Variants in LMNTD1 observed in about 807,000 individuals in gnomAD.
LMNTD1 encodes the protein lamin tail domain-containing protein 1.
LMNTD1 carries 35 observed loss-of-function variants against 50.9 expected under a neutral mutation model. The ratio of observed to expected loss-of-function variants is 0.69; its 90% CI spans 0.53 to 0.91. LMNTD1 has a LOEUF of 0.91. Ranked by LOEUF, LMNTD1 falls within the 40% of genes least tolerant of loss-of-function variation. The pLI is 0.00. For synonymous variants in LMNTD1, 153 were observed against 161.9 expected (o/e 0.94, Z 0.42); for missense variants, 470 against 475.5 (o/e 0.99, Z 0.11).
chr12:25,594,485 A>G (rs939294337), intron 1 of LMNTD1, among the ~76,000 whole-genome samples: 21 of 152,070 alleles, frequency 1.4e-4, no homozygotes, highest in African/African-American at 5.1e-4. Context: ...TGAAGGAAAC[A>G]TAGTCTTTTT....
At chr12:25,645,676 G>C (rs867182524) in intron 1 of LMNTD1, among the ~76,000 whole-genome samples, 1 of 152,196 alleles carries the variant, frequency 6.6e-6, no homozygotes, top group Admixed American at 6.5e-5. Context: ...AAGGAAAAGA[G>C]CTGGGGCCTG....
At chr12:25,539,763 T>TC (rs1291972387) in intron 4 of LMNTD1, among the ~76,000 whole-genome samples, 6 of 120,144 alleles carry the variant, frequency 5.0e-5, no homozygotes. Context: ...AAAAAACCCT[T>TC]TAAAAAATTA....
chr12:25,563,047 C>T lies in LMNTD1; in HGVS notation c.59-16493G>A, dbSNP rs368589276. Reference sequence around the variant, plus strand: ...CAGTTATCCATTTGTCCAATCTTTTCTCAAGGTTTTTATCTTCTTTGTGAT... The same window carrying T: ...CAGTTATCCATTTGTCCAATCTTTTTTCAAGGTTTTTATCTTCTTTGTGAT... On this transcript the variant is annotated intron_variant, in intron 1 of 7. Coordinates refer to the LMNTD1 transcript ENST00000445693. 9.2e-5 allele frequency among the ~76,000 whole-genome samples: 14 copies of T among 152,310 alleles called. No individual in the cohort carries two copies. In the East Asian group the frequency reaches 2.5e-3, roughly 27 times the overall value.
At chr12:25,513,187 T>C (rs570537895) in intron 8 of LMNTD1, among the ~76,000 whole-genome samples, 18 of 152,270 alleles carry the variant, frequency 1.2e-4, no homozygotes, top group African/African-American at 4.3e-4. Context: ...CATCTTCCAC[T>C]AAGATGCATC....
At chr12:25,542,635 T>A (rs984260797) in intron 4 of LMNTD1, among the ~76,000 whole-genome samples, 2 of 151,234 alleles carry the variant, frequency 1.3e-5, no homozygotes, top group African/African-American at 4.9e-5. Flanking sequence ...GACGAGTTAG[T>A]GGGTGCAGCA....
intron 1 of LMNTD1, among the ~76,000 whole-genome samples, chr12:25,614,143 T>C (rs1215071235): frequency 6.6e-6 from 1 of 151,776 alleles, no homozygotes; most frequent in African/African-American, 2.4e-5. Flanking sequence ...CCAGTGGGAG[T>C]AGGGAGACTG....
chr12:25,585,354 T>C (rs1411552055), intron 1 of LMNTD1, among the ~76,000 whole-genome samples: 2 of 152,208 alleles, frequency 1.3e-5, no homozygotes, highest in African/African-American at 2.4e-5. Context: ...AAATTAGCAA[T>C]TACAAAGTGT....
upstream of LMNTD1, among the ~76,000 whole-genome samples, chr12:25,557,853 T>C (rs1944105762): frequency 6.6e-6 from 1 of 152,218 alleles, no homozygotes; most frequent in African/African-American, 2.4e-5. Flanking sequence ...TCTTCTATCA[T>C]ATATGGGCAA....
chr12:25,540,734 G>T (rs1943007115), intron 4 of LMNTD1, among the ~76,000 whole-genome samples: 1 of 139,086 alleles, frequency 7.2e-6, no homozygotes, highest in African/African-American at 2.7e-5. Flanking sequence ...AGGGCAATTA[G>T]GCAGGAGAAG....
At chr12:25,632,673 AAC>A (rs1368415192) in intron 1 of LMNTD1, among the ~76,000 whole-genome samples, 2 of 152,220 alleles carry the variant, frequency 1.3e-5, no homozygotes, top group Non-Finnish European at 2.9e-5. Flanking sequence ...GAATCCTGGA[AAC>A]ACATCAAAAC....
chr12:25,614,663 T>C lies in LMNTD1; in HGVS notation c.58+33831A>G, dbSNP rs571356058. The stretch of plus-strand genomic sequence containing the variant: ...AGAACAGACTTGGCAGATTGCAGAG[T>C]CTAGCACCTTGGGAGACAGAATCAG... On this transcript the variant is annotated intron_variant, in intron 1 of 7. Coordinates refer to the LMNTD1 transcript ENST00000445693. Among the ~76,000 whole-genome samples the C allele has an allele frequency of 1.8e-4, 27 of 152,242 alleles. 1 individual carries two copies. In the East Asian group the frequency reaches 5.0e-3, roughly 28 times the overall value.
intron 1 of LMNTD1, among the ~76,000 whole-genome samples, chr12:25,612,351 C>T (rs1946268483): frequency 6.6e-6 from 1 of 151,032 alleles, no homozygotes; most frequent in Admixed American, 6.6e-5. Flanking sequence ...GTCAACAACA[C>T]TGAACCACTA....
intron 4 of LMNTD1, among the ~76,000 whole-genome samples, chr12:25,543,908 G>T (rs1585783): frequency 0.62 from 93,620 of 151,766 alleles, 30,194 homozygotes; most frequent in Non-Finnish European, 0.71. Context: ...TAAGTTCCAA[G>T]AATTGATTTC....
chr12:25,513,036 C>T (rs942334338), intron 8 of LMNTD1, among the ~76,000 whole-genome samples: 4 of 152,082 alleles, frequency 2.6e-5, no homozygotes, highest in Non-Finnish European at 2.9e-5. Context: ...AGCTAGAGGC[C>T]CTGTGCATTT....
chr12:25,488,810 G>A (rs967992018), intron 9 of LMNTD1, among the ~76,000 whole-genome samples: 4 of 152,144 alleles, frequency 2.6e-5, no homozygotes, highest in Non-Finnish European at 5.9e-5. Flanking sequence ...ATGGGTTTTC[G>A]GTGTGGATGT....
intron 4 of LMNTD1, among the ~76,000 whole-genome samples, chr12:25,530,063 T>C (rs1207350951): frequency 6.6e-6 from 1 of 152,162 alleles, no homozygotes; most frequent in African/African-American, 2.4e-5. Context: ...TGGAATCTCA[T>C]TGTATTTAAA....
At chr12:25,630,460 C>T (rs1565528688) in intron 1 of LMNTD1, 1 of 152,136 alleles carries the variant, frequency 6.6e-6, no homozygotes, top group Non-Finnish European at 1.5e-5. Context: ...GTGGAATGCT[C>T]CTGCAGGACC....
intron 1 of LMNTD1, among the ~76,000 whole-genome samples, chr12:25,623,247 A>C (rs990374447): frequency 2.6e-5 from 4 of 152,010 alleles, no homozygotes; most frequent in Non-Finnish European, 5.9e-5. Context: ...TTAAACTCAT[A>C]AACTGCTTAA....
At chr12:25,549,696 A>G in intron 2 of LMNTD1, 150 bp from the exon 3 acceptor site, 1 of 432,596 alleles carries the variant, frequency 2.3e-6, no homozygotes, top group Non-Finnish European at 4.0e-6. Context: ...TTGTATTTCT[A>G]GTTTTAACAA....
Sources: allele counts gnomAD v4.1 joint callset (sites outside exome capture counted in the v4.1 genomes callset), GRCh38; gene constraint gnomAD v4.1.1; transcripts MANE v1.5; gene names NCBI Gene and HGNC (gene_info 2026-07-23, HGNC 2026-07-21).